The following TBC1D5 variants were observed in gnomAD, a reference collection of about 807,000 sequenced individuals.
TBC1D5 encodes TBC1 domain family, member 5.
TBC1D5 carries 75 observed loss-of-function variants against 100.3 expected under a neutral mutation model. The observed-to-expected ratio is 0.75, with a 90% confidence interval of 0.62 to 0.91. The LOEUF is 0.91. TBC1D5 is among the 40% of genes least tolerant of loss of function. TBC1D5 has a pLI of 0.00. For synonymous variants in TBC1D5, 323 were observed against 325.6 expected, an observed-to-expected ratio of 0.99 and a Z score of 0.09; for missense variants, 910 against 942.4, an observed-to-expected ratio of 0.97 and a Z score of 0.45.
intron 2 of TBC1D5, among the ~76,000 whole-genome samples, chr3:17,592,073 G>A (rs1412937349): frequency 6.6e-6 from 1 of 152,206 alleles, no homozygotes; most frequent in Non-Finnish European, 1.5e-5. Flanking sequence ...ATGGTATGCA[G>A]CCATTGACCT....
chr3:17,646,557 T>C (rs1179574725), intron 1 of TBC1D5, among the ~76,000 whole-genome samples: 1 of 152,140 alleles, frequency 6.6e-6, no homozygotes, highest in Non-Finnish European at 1.5e-5. Flanking sequence ...AAATACTATA[T>C]ATCTCTTTAA....
intron 1 of TBC1D5, among the ~76,000 whole-genome samples, chr3:17,685,893 A>G (rs1362767079): frequency 6.6e-6 from 1 of 152,156 alleles, no homozygotes; most frequent in Non-Finnish European, 1.5e-5. Flanking sequence ...TAATAAGAAG[A>G]GCCTTAATTA....
chr3:17,649,316 C>G (rs1324723344), intron 1 of TBC1D5, among the ~76,000 whole-genome samples: 3 of 151,964 alleles, frequency 2.0e-5, no homozygotes, highest in African/African-American at 4.8e-5. Context: ...CTGGCGTCTA[C>G]TTGAGGGTGG....
At chr3:17,190,718 A>C (rs2069772036) in intron 18 of TBC1D5, among the ~76,000 whole-genome samples, 1 of 152,120 alleles carries the variant, frequency 6.6e-6, no homozygotes, top group South Asian at 2.1e-4. Flanking sequence ...GACTAATTCA[A>C]ACTCCAGGGG....
chr3:17,214,415 CACTA>C, intron 17 of TBC1D5, 45 bp from the exon 19 acceptor site: 1 of 1,577,886 alleles, frequency 6.3e-7, no homozygotes, highest in Non-Finnish European at 8.6e-7. Context: ...CAGACTCTTT[CACTA>C]AGCTATTCGA....
intron 2 of TBC1D5, among the ~76,000 whole-genome samples, chr3:17,604,563 C>CT (rs1467687769): frequency 6.6e-6 from 1 of 152,132 alleles, no homozygotes; most frequent in Non-Finnish European, 1.5e-5. Flanking sequence ...TATGATTATA[C>CT]TCTATTTTGA....
chr3:17,486,205 T>A (rs1308684124), intron 3 of TBC1D5, among the ~76,000 whole-genome samples: 2 of 152,140 alleles, frequency 1.3e-5, no homozygotes, highest in Non-Finnish European at 2.9e-5. Context: ...TTCTTGTAAA[T>A]TTGTTTGAGT....
chr3:17,664,450 C>T (rs2067008999), intron 1 of TBC1D5, among the ~76,000 whole-genome samples: 1 of 152,108 alleles, frequency 6.6e-6, no homozygotes, highest in Admixed American at 6.5e-5. Context: ...TACCAAAGGC[C>T]ATTTTTCAAC....
chr3:17,201,025 T>C (rs1482394994), intron 18 of TBC1D5, among the ~76,000 whole-genome samples: 1 of 152,206 alleles, frequency 6.6e-6, no homozygotes, highest in Non-Finnish European at 1.5e-5. Flanking sequence ...AATTATTTGT[T>C]TTTTTCTCTT....
At chr3:17,340,026 T>A (rs543425608) in intron 13 of TBC1D5, among the ~76,000 whole-genome samples, 1 of 152,224 alleles carries the variant, frequency 6.6e-6, no homozygotes, top group Admixed American at 6.5e-5. Context: ...TTGCTAGCAG[T>A]AGGCAAATTT....
At chr3:17,435,992 G>A (rs1408440056) in intron 3 of TBC1D5, among the ~76,000 whole-genome samples, 1 of 152,142 alleles carries the variant, frequency 6.6e-6, no homozygotes, top group East Asian at 1.9e-4. Context: ...AAGAGGTTTC[G>A]AATTTTTAGG....
chr3:17,300,790 G>GGCCC (rs2150363074), intron 14 of TBC1D5, among the ~76,000 whole-genome samples: 1 of 152,274 alleles, frequency 6.6e-6, no homozygotes, highest in Non-Finnish European at 1.5e-5. Context: ...AGAAAATCTA[G>GGCCC]GCCCGGCGTG....
chr3:17,507,404 T>C (rs2095855593), intron 3 of TBC1D5, among the ~76,000 whole-genome samples: 1 of 152,124 alleles, frequency 6.6e-6, no homozygotes, highest in African/African-American at 2.4e-5. Context: ...TTCTCTCCCA[T>C]TTTTATTAAA....
At chr3:17,419,423 A>G (rs2094156652) in intron 4 of TBC1D5, among the ~76,000 whole-genome samples, 2 of 152,194 alleles carry the variant, frequency 1.3e-5, no homozygotes. Context: ...CCAGATGTGC[A>G]AATCCCCTAA....
chr3:17,366,986 A>G (rs780638266), intron 13 of TBC1D5, among the ~76,000 whole-genome samples: 24 of 152,310 alleles, frequency 1.6e-4, no homozygotes, highest in Non-Finnish European at 2.6e-4. Context: ...AATTTATCCC[A>G]TGAGTGTTGT....
At chr3:17,395,279 T>C (rs1331040616) in intron 8 of TBC1D5, among the ~76,000 whole-genome samples, 1 of 152,062 alleles carries the variant, frequency 6.6e-6, no homozygotes, top group Non-Finnish European at 1.5e-5. Context: ...CATCTTTCTG[T>C]TCCTACCATA....
intron 2 of TBC1D5, among the ~76,000 whole-genome samples, chr3:17,523,472 T>C (rs1221678550): frequency 1.3e-5 from 2 of 152,090 alleles, no homozygotes; most frequent in African/African-American, 2.4e-5. Flanking sequence ...AAAGACTTTA[T>C]GGAGAAGGGA....
At chr3:17,394,019 T>A (rs975725260) in intron 8 of TBC1D5, among the ~76,000 whole-genome samples, 1 of 151,956 alleles carries the variant, frequency 6.6e-6, no homozygotes, top group Non-Finnish European at 1.5e-5. Context: ...AAAGAAACTA[T>A]CATCAGAGTG....
intron 16 of TBC1D5, among the ~76,000 whole-genome samples, chr3:17,243,986 G>A (rs191442023): frequency 3.9e-5 from 6 of 152,272 alleles, no homozygotes; most frequent in South Asian, 4.1e-4. Context: ...TGCAAAACCC[G>A]AGGAGTAAGT....
Sources: allele counts gnomAD v4.1 joint callset (sites outside exome capture counted in the v4.1 genomes callset), GRCh38; gene constraint gnomAD v4.1.1; transcripts MANE v1.5; gene names NCBI Gene and HGNC (gene_info 2026-07-23, HGNC 2026-07-21).